ARID5B: variants seen among roughly 807,000 people sequenced by gnomAD.
ARID5B encodes AT-rich interactive domain-containing protein 5B.
Under a neutral mutation model 97.2 loss-of-function variants are expected in ARID5B, and 13 were observed. That is an observed-to-expected ratio of 0.13 (90% CI 0.09 to 0.21). The LOEUF (loss-of-function observed/expected upper bound fraction) is 0.21, where lower values mean the gene tolerates loss of function less well. Ranked by LOEUF, ARID5B falls within the 10% of genes least tolerant of loss-of-function variation. The probability of loss-of-function intolerance (pLI) is 1.00; values close to 1 mark genes in which losing one functional copy is unlikely to be tolerated. For synonymous variants in ARID5B, 556 were observed against 570.3 expected (o/e 0.97, Z 0.36); for missense variants, 1,210 against 1,465.3 (o/e 0.83, Z 2.84).
intron 4 of ARID5B, among the ~76,000 whole-genome samples, chr10:62,035,507 T>A (rs1158753704): frequency 1.3e-5 from 2 of 152,184 alleles, no homozygotes; most frequent in Non-Finnish European, 2.9e-5. Flanking sequence ...TATTAATTAT[T>A]TTAAGACGGA....
At chr10:62,026,090 C>T (rs185992461) in intron 4 of ARID5B, among the ~76,000 whole-genome samples, 1 of 152,330 alleles carries the variant, frequency 6.6e-6, no homozygotes, top group African/African-American at 2.4e-5. Context: ...CTCTTTCAGT[C>T]GGGTTCAGAT....
At chr10:61,902,542 G>A in intron 2 of ARID5B, 129 bp downstream of exon 2, 4 of 1,302,380 alleles carry the variant, frequency 3.1e-6, no homozygotes, top group Non-Finnish European at 4.2e-6. Context: ...TTTTTTAAAG[G>A]GGTAGCGCCA....
chr10:62,055,190 A>T (rs149254293), intron 5 of ARID5B, among the ~76,000 whole-genome samples: 1 of 152,332 alleles, frequency 6.6e-6, no homozygotes, highest in East Asian at 1.9e-4. Context: ...GTTTGTTTTC[A>T]TTACCAATTT....
chr10:62,031,181 C>T (rs1839493133), intron 4 of ARID5B, among the ~76,000 whole-genome samples: 1 of 152,162 alleles, frequency 6.6e-6, no homozygotes, highest in African/African-American at 2.4e-5. Flanking sequence ...TTGCAGTAAG[C>T]CACGACCATG....
intron 4 of ARID5B, among the ~76,000 whole-genome samples, chr10:62,040,064 G>A (rs527589974): frequency 3.3e-5 from 5 of 152,048 alleles, no homozygotes; most frequent in East Asian, 1.9e-4. Flanking sequence ...CATTATACCC[G>A]ACCCATATTG....
intron 3 of ARID5B, among the ~76,000 whole-genome samples, chr10:61,994,238 G>A (rs1034679861): frequency 2.0e-5 from 3 of 152,032 alleles, no homozygotes; most frequent in South Asian, 4.1e-4. Context: ...ATCCTGGGGC[G>A]AAGGTTTTTT....
intron 8 of ARID5B, among the ~76,000 whole-genome samples, chr10:62,075,146 G>A (rs966063272): frequency 6.6e-6 from 1 of 152,222 alleles, no homozygotes; most frequent in East Asian, 1.9e-4. Context: ...GCCACGGCTG[G>A]AAAGTGTGAA....
chr10:62,071,645 A>T (rs184169863), intron 8 of ARID5B, among the ~76,000 whole-genome samples: 4 of 151,680 alleles, frequency 2.6e-5, no homozygotes, highest in African/African-American at 9.7e-5. Context: ...GTCTGTGAAT[A>T]AAAGTAGGAT....
intron 7 of ARID5B, among the ~76,000 whole-genome samples, chr10:62,059,716 G>A (rs1344100102): frequency 6.6e-6 from 1 of 152,174 alleles, no homozygotes; most frequent in Non-Finnish European, 1.5e-5. Flanking sequence ...GGAATAGAAT[G>A]CAGCAGAATC....
chr10:62,028,144 A>G (rs1219084065), intron 4 of ARID5B, among the ~76,000 whole-genome samples: 2 of 152,178 alleles, frequency 1.3e-5, no homozygotes, highest in Non-Finnish European at 1.5e-5. Flanking sequence ...TCACAATGCT[A>G]TTTGGTGCCC....
At chr10:61,969,239 G>C (rs972573523) in intron 3 of ARID5B, among the ~76,000 whole-genome samples, 1 of 152,098 alleles carries the variant, frequency 6.6e-6, no homozygotes, top group African/African-American at 2.4e-5. Context: ...ACGATTTTCA[G>C]CAAGTCCTAA....
At chr10:62,043,845 G>T (rs1839671718) in intron 4 of ARID5B, among the ~76,000 whole-genome samples, 1 of 152,132 alleles carries the variant, frequency 6.6e-6, no homozygotes, top group African/African-American at 2.4e-5. Context: ...TATTGGAATG[G>T]ATTACAAAAG....
At chr10:61,912,760 A>AC (rs1554836865) in intron 2 of ARID5B, among the ~76,000 whole-genome samples, 1 of 125,638 alleles carries the variant, frequency 8.0e-6, no homozygotes, top group African/African-American at 2.6e-5. Flanking sequence ...ATATATACAT[A>AC]CTTTTTTTTT....
At chr10:62,063,473 T>A (rs1839948089) in intron 7 of ARID5B, among the ~76,000 whole-genome samples, 1 of 151,982 alleles carries the variant, frequency 6.6e-6, no homozygotes, top group Non-Finnish European at 1.5e-5. Context: ...GATTATGGAT[T>A]ATTTCATTTC....
intron 3 of ARID5B, among the ~76,000 whole-genome samples, chr10:61,941,996 C>A (rs549220623): frequency 2.0e-5 from 3 of 152,078 alleles, no homozygotes; most frequent in Non-Finnish European, 2.9e-5. Context: ...AACATTAAAA[C>A]CTTTCTTTTG....
chr10:61,939,185 C>T (rs1844357393), intron 2 of ARID5B, among the ~76,000 whole-genome samples: 1 of 151,960 alleles, frequency 6.6e-6, no homozygotes, highest in Admixed American at 6.6e-5. Context: ...TTTTCACAGC[C>T]AAGCTTTCTT....
In ARID5B at chr10:62,091,278, G is replaced by A. The variant is rs761154130; in HGVS notation, c.1815G>A (p.Leu605=). The A allele has an allele frequency of 2.5e-6, 4 of 1,614,178 alleles. No individual in the cohort carries two copies. The highest frequency in any genetic ancestry group is 3.4e-6 in the Non-Finnish European group (4 of 1,180,028). ...FPSFPTTQPP[L]ANQNETEDDK... Reference sequence around the variant, plus strand: ...GCTTCCCCACCACACAGCCACCGCTGGCAAACCAGAATGAGACGGAGGATG... The same window carrying A: ...GCTTCCCCACCACACAGCCACCGCTAGCAAACCAGAATGAGACGGAGGATG... The change falls in exon 10 of 10, where the codon CTG becomes CTA. Residue 605 remains leucine, a synonymous_variant. Coordinates refer to ENST00000279873, the MANE Select transcript of ARID5B (RefSeq NM_032199.3).
intron 2 of ARID5B, among the ~76,000 whole-genome samples, chr10:61,908,799 CA>C (rs369792859): frequency 0.034 from 1,721 of 50,948 alleles, 27 homozygotes; most frequent in African/African-American, 0.12. Flanking sequence ...GACTCCATCT[CA>C]AAAAAAAAAA....
chr10:61,905,820 TATA>T (rs1843698296), intron 2 of ARID5B, among the ~76,000 whole-genome samples: 1 of 152,234 alleles, frequency 6.6e-6, no homozygotes, highest in Admixed American at 6.5e-5. Flanking sequence ...ATCAGTGGTA[TATA>T]ATGATAACAG....
Sources: gnomAD v4.1 joint callset for allele counts (sites outside exome capture counted in the v4.1 genomes callset) on GRCh38, gnomAD v4.1.1 for gene constraint, MANE v1.5 for transcripts, NCBI Gene and HGNC (gene_info 2026-07-23, HGNC 2026-07-21) for gene names.